Variants in DNAH8 observed in about 807,000 individuals in gnomAD.
The protein encoded by DNAH8 is dynein axonemal heavy chain 8, also known as axonemal beta dynein heavy chain 8.
A neutral mutation model predicts 562.1 loss-of-function variants in DNAH8; 382 were observed. That is an observed-to-expected ratio of 0.68 (90% CI 0.63 to 0.74). The LOEUF (loss-of-function observed/expected upper bound fraction) is 0.74. Among genes scored for constraint, DNAH8 ranks in the 30% least tolerant of loss-of-function variants. The pLI is 0.00. For missense variants in DNAH8, 5,203 were observed against 5,620.4 expected (o/e 0.93, Z 2.37); for synonymous variants, 1,881 against 1,919.4 (o/e 0.98, Z 0.52).
Position 38,814,129 on chromosome 6 carries a change from GGTAA to G in DNAH8, c.3333+4_3333+7del, listed in dbSNP as rs1393581230. 1 of 1,458,688 alleles carries G rather than the reference GGTAA, an allele frequency of 6.9e-7. No homozygotes were observed. Among genetic ancestry groups the G allele is most frequent in the Non-Finnish European group, 9.6e-7 (1 of 1,041,204 alleles). The allele number at this position is 1,458,688 out of a possible 1,614,324, so 90.4% of individuals were successfully genotyped here. A position where few individuals can be genotyped will look rare whatever the true frequency, so the allele number is the denominator to read the frequency against. On this transcript the variant is annotated splice_donor_variant and splice_donor_region_variant and intron_variant, in intron 25 of 92. Transcript: ENST00000327475. LOFTEE classifies it high-confidence loss of function. ...AAGTACATCTTGCAATTCCTAATGTGGTAAGTATTATTAAATACACTGATAATTT... is the reference window on the plus strand; with the variant it reads ...AAGTACATCTTGCAATTCCTAATGTGGTATTATTAAATACACTGATAATTT...
intron 88 of DNAH8, among the ~76,000 whole-genome samples, chr6:38,993,202 T>A (rs1764908572): frequency 6.6e-6 from 1 of 152,182 alleles, no homozygotes; most frequent in Admixed American, 6.5e-5. Flanking sequence ...TCCCAGCAAC[T>A]TCAATATGTG....
chr6:38,923,445 T>C, intron 72 of DNAH8: 1 of 322,318 alleles, frequency 3.1e-6, no homozygotes, highest in Non-Finnish European at 5.7e-6. Context: ...CCGTCTCCAC[T>C]CCAGTTCTCT....
intron 21 of DNAH8, 88 bp from the exon 22 acceptor site, chr6:38,803,091 T>C (rs1770925095): frequency 1.1e-6 from 1 of 885,694 alleles, no homozygotes; most frequent in Non-Finnish European, 1.6e-6. Context: ...AAGTTAATTA[T>C]AGTTTTATAA....
At chr6:39,012,129 GA>G in intron 89 of DNAH8, 85 bp from the exon 90 acceptor site, 1 of 1,015,600 alleles carries the variant, frequency 9.8e-7, no homozygotes, top group Non-Finnish European at 1.4e-6. Context: ...TCTAGAGGAA[GA>G]AAAAGAATTG....
chr6:38,827,742 T>TAC (rs1773484350), intron 29 of DNAH8, among the ~76,000 whole-genome samples: 1 of 65,448 alleles, frequency 1.5e-5, no homozygotes, highest in Non-Finnish European at 3.1e-5. Context: ...ACTTTTTTTT[T>TAC]TTTTTTTTTT....
chr6:38,722,070 G>C (rs1227433627), intron 1 of DNAH8, among the ~76,000 whole-genome samples: 1 of 152,068 alleles, frequency 6.6e-6, no homozygotes, highest in Non-Finnish European at 1.5e-5. Flanking sequence ...AATTTCCATG[G>C]TTATGTGCTC....
chr6:38,839,727 A>G (rs1774619888), intron 33 of DNAH8, among the ~76,000 whole-genome samples: 1 of 151,258 alleles, frequency 6.6e-6, no homozygotes, highest in Admixed American at 6.6e-5. Context: ...CAATGACATG[A>G]TCTCGGCTCA....
intron 9 of DNAH8, 102 bp downstream of exon 9, chr6:38,750,691 G>A (rs1765366187): frequency 1.5e-6 from 1 of 660,056 alleles, no homozygotes; most frequent in Non-Finnish European, 2.6e-6. Flanking sequence ...CTTGAGCCCA[G>A]GAGTGCAAGG....
chr6:38,928,788 A>G (rs1782309522), intron 74 of DNAH8, among the ~76,000 whole-genome samples: 2 of 152,174 alleles, frequency 1.3e-5, no homozygotes, highest in Admixed American at 1.3e-4. Flanking sequence ...GGGAATCTTC[A>G]CAGTTAGGCA....
At chr6:38,890,125 GA>G (rs1464214318) in intron 57 of DNAH8, among the ~76,000 whole-genome samples, 1 of 152,178 alleles carries the variant, frequency 6.6e-6, no homozygotes. Flanking sequence ...CCAGAGTGGT[GA>G]CTGACTGTAG....
At chr6:38,803,698 G>T (rs945343849) in intron 22 of DNAH8, among the ~76,000 whole-genome samples, 1 of 149,352 alleles carries the variant, frequency 6.7e-6, no homozygotes, top group Non-Finnish European at 1.5e-5. Flanking sequence ...ACCAGGAAAA[G>T]GTAAATTCTA....
chr6:38,752,706 G>C (rs1172257621), intron 9 of DNAH8, among the ~76,000 whole-genome samples: 1 of 152,094 alleles, frequency 6.6e-6, no homozygotes, highest in Non-Finnish European at 1.5e-5. Flanking sequence ...TTCCAAGAGA[G>C]TGTTAGTAGT....
At chr6:38,985,878 G>A (rs1764356575) in intron 87 of DNAH8, among the ~76,000 whole-genome samples, 4 of 152,200 alleles carry the variant, frequency 2.6e-5, no homozygotes, top group Admixed American at 2.6e-4. Flanking sequence ...GGACAATGCT[G>A]TGAGTCCACA....
At chr6:39,014,206 C>G (rs929359535) in intron 91 of DNAH8, among the ~76,000 whole-genome samples, 2 of 152,150 alleles carry the variant, frequency 1.3e-5, no homozygotes, top group Non-Finnish European at 2.9e-5. Flanking sequence ...AGTCCGTAGC[C>G]TTTAGAGTTG....
intron 1 of DNAH8, among the ~76,000 whole-genome samples, chr6:38,718,239 T>A (rs973681702): frequency 6.6e-6 from 1 of 152,198 alleles, no homozygotes; most frequent in Non-Finnish European, 1.5e-5. Context: ...ACCACCAACC[T>A]TGTGTGTATG....
chr6:38,866,429 A>G (rs1777035706), intron 45 of DNAH8, among the ~76,000 whole-genome samples, 162 bp from the exon 46 acceptor site: 1 of 152,238 alleles, frequency 6.6e-6, no homozygotes, highest in Admixed American at 6.5e-5. Flanking sequence ...AAATATTAAT[A>G]TACATGGTCT....
chr6:38,870,252 TG>T, intron 48 of DNAH8, 148 bp from the exon 49 acceptor site: 1 of 662,506 alleles, frequency 1.5e-6, no homozygotes, highest in African/African-American at 1.8e-5. Flanking sequence ...AGTGATATTC[TG>T]GAGAAAGTAC....
rs111717101 is a variant in DNAH8, at chr6:38,754,969, G to A, written c.1408-1003G>A. Among the ~76,000 whole-genome samples the A allele has an allele frequency of 8.6e-4, 130 of 151,988 alleles. 1 individual carries two copies. Among genetic ancestry groups the A allele is most frequent in the African/African-American group, 2.9e-3 (122 of 41,492 alleles). On this transcript the variant is annotated intron_variant, in intron 9 of 92. Coordinates refer to ENST00000327475, the MANE Select transcript of DNAH8 (RefSeq NM_001206927.2). The stretch of plus-strand genomic sequence containing the variant: ...TTTGTTTTTGATTTTGGTGCCATTC[G>A]TATGAATTCAGACTGCAGTTGAGTA...
chr6:39,027,743 T>C (rs1217938564), intron 92 of DNAH8, among the ~76,000 whole-genome samples: 1 of 152,054 alleles, frequency 6.6e-6, no homozygotes, highest in Non-Finnish European at 1.5e-5. Context: ...GGAAGATTGC[T>C]TGAATACAGG....
Sources: gnomAD v4.1 joint callset for allele counts (sites outside exome capture counted in the v4.1 genomes callset) on GRCh38, gnomAD v4.1.1 for gene constraint, MANE v1.5 for transcripts, NCBI Gene and HGNC (gene_info 2026-07-23, HGNC 2026-07-21) for gene names.